Variants in CSMD1 observed in about 807,000 individuals in gnomAD.
CSMD1 encodes CUB and sushi domain-containing protein 1.
A neutral mutation model predicts 417.5 loss-of-function variants in CSMD1; 213 were observed. The ratio of observed to expected loss-of-function variants is 0.51; its 90% CI spans 0.46 to 0.57. The LOEUF (loss-of-function observed/expected upper bound fraction) is 0.57. Among genes scored for constraint, CSMD1 ranks in the 20% least tolerant of loss-of-function variants. The pLI is 0.00. For missense variants in CSMD1, 6,923 were observed against 4,529.7 expected (o/e 1.53, Z -15.17); for synonymous variants, 2,862 against 1,736.8 (o/e 1.65, Z -16.11).
At chr8:4,147,616 G>A (rs981084933) in intron 3 of CSMD1, among the ~76,000 whole-genome samples, 6 of 152,136 alleles carry the variant, frequency 3.9e-5, no homozygotes, top group South Asian at 2.1e-4. Context: ...TAATGCAGCT[G>A]GACATGTGGC....
At chr8:3,764,742 T>C (rs1320958608) in intron 5 of CSMD1, among the ~76,000 whole-genome samples, 1 of 45,128 alleles carries the variant, frequency 2.2e-5, no homozygotes, top group Non-Finnish European at 6.1e-5. Flanking sequence ...TCTCTTTCTT[T>C]TTTTTTTTTT....
chr8:3,773,583 G>C (rs76088918), intron 5 of CSMD1, among the ~76,000 whole-genome samples: 1 of 152,056 alleles, frequency 6.6e-6, no homozygotes, highest in African/African-American at 2.4e-5. Context: ...CACCACACCC[G>C]TCCTATAATA....
intron 3 of CSMD1, among the ~76,000 whole-genome samples, chr8:4,189,375 A>G (rs929386943): frequency 6.6e-6 from 1 of 152,224 alleles, no homozygotes; most frequent in African/African-American, 2.4e-5. Flanking sequence ...TTAATAAGCC[A>G]TGAATATTCT....
chr8:3,507,525 T>G (rs1290155871), intron 10 of CSMD1, among the ~76,000 whole-genome samples: 1 of 152,212 alleles, frequency 6.6e-6, no homozygotes, highest in East Asian at 1.9e-4. Context: ...TACCTAGTAA[T>G]GGGATTGCTG....
chr8:4,594,812 C>G (rs1053132780), intron 2 of CSMD1, among the ~76,000 whole-genome samples: 1 of 152,050 alleles, frequency 6.6e-6, no homozygotes, highest in African/African-American at 2.4e-5. Context: ...CTGATGTTAC[C>G]CCCACCTTAA....
intron 3 of CSMD1, among the ~76,000 whole-genome samples, chr8:4,105,131 C>T: frequency 6.6e-6 from 1 of 152,152 alleles, no homozygotes; most frequent in East Asian, 1.9e-4. Flanking sequence ...ATGTAATACA[C>T]AATCACTAAT....
chr8:4,101,476 A>G (rs1801302262), intron 3 of CSMD1, among the ~76,000 whole-genome samples: 1 of 152,200 alleles, frequency 6.6e-6, no homozygotes, highest in Non-Finnish European at 1.5e-5. Context: ...AAAGGTCTCC[A>G]TGGTGCAGCT....
chr8:4,143,385 T>G (rs78249538), intron 3 of CSMD1, among the ~76,000 whole-genome samples: 1 of 144,194 alleles, frequency 6.9e-6, no homozygotes, highest in African/African-American at 2.5e-5. Flanking sequence ...TTTTTTTTTT[T>G]TTGCTACAGA....
intron 42 of CSMD1, among the ~76,000 whole-genome samples, chr8:3,111,166 A>C (rs745602628): frequency 6.6e-6 from 1 of 152,208 alleles, no homozygotes; most frequent in Non-Finnish European, 1.5e-5. Flanking sequence ...ATTTGCCACA[A>C]ATGGTATAGA....
chr8:4,289,946 CT>C (rs1249345267), intron 3 of CSMD1, among the ~76,000 whole-genome samples: 1 of 152,194 alleles, frequency 6.6e-6, no homozygotes. Flanking sequence ...TTATTGACCT[CT>C]TCTTGAGAGG....
chr8:3,753,376 G>C (rs969174759), intron 6 of CSMD1, among the ~76,000 whole-genome samples: 2 of 152,148 alleles, frequency 1.3e-5, no homozygotes, highest in African/African-American at 4.8e-5. Flanking sequence ...TTAGAAACCA[G>C]AGAGAAAAAG....
intron 2 of CSMD1, among the ~76,000 whole-genome samples, chr8:4,583,863 T>C (rs1281738374): frequency 6.6e-6 from 1 of 152,014 alleles, no homozygotes; most frequent in South Asian, 2.1e-4. Context: ...GAAGCTTTGT[T>C]CTTTCACTCT....
intron 2 of CSMD1, among the ~76,000 whole-genome samples, chr8:4,446,000 C>T (rs554656410): frequency 1.3e-5 from 2 of 152,234 alleles, no homozygotes; most frequent in African/African-American, 2.4e-5. Context: ...TCTTCCCTGG[C>T]AGCACCCTGA....
chr8:4,173,172 A>C (rs908634662), intron 3 of CSMD1, among the ~76,000 whole-genome samples: 1 of 152,184 alleles, frequency 6.6e-6, no homozygotes, highest in African/African-American at 2.4e-5. Context: ...TAGCGCATAA[A>C]AATACAGGAT....
chr8:3,360,014 G>C (rs965936042), intron 20 of CSMD1, among the ~76,000 whole-genome samples: 2 of 152,088 alleles, frequency 1.3e-5, no homozygotes, highest in Non-Finnish European at 2.9e-5. Flanking sequence ...CCCTCCCAAA[G>C]GTGCTTTTTG....
Position 3,579,938 on chromosome 8 carries a change from T to C in CSMD1, c.1223-4872A>G, listed in dbSNP as rs139486089. Among the ~76,000 whole-genome samples the C allele has an allele frequency of 7.6e-3, 1,160 of 152,098 alleles. 19 individuals carry two copies. The highest frequency in any genetic ancestry group is 0.025 in the African/African-American group (1,055 of 41,490). ...GGCCAACATGGTGAAACCCTGTCTC[T>C]ACGAAACATACAAAAATTAGCTGGG... On this transcript the variant is annotated intron_variant, in intron 9 of 69. Coordinates refer to ENST00000635120, the MANE Select transcript of CSMD1 (RefSeq NM_033225.6).
Position 4,916,785 on chromosome 8 carries a change from A to G in CSMD1, c.85+77547T>C, listed in dbSNP as rs1454185929. Among the ~76,000 whole-genome samples, 3 of 152,256 alleles carry G rather than the reference A, an allele frequency of 2.0e-5. No individual in the cohort carries two copies. In the East Asian group the frequency reaches 5.8e-4, roughly 29 times the overall value. On this transcript the variant is annotated intron_variant, in intron 1 of 69. Coordinates refer to ENST00000635120, the MANE Select transcript of CSMD1 (RefSeq NM_033225.6). ...TTTAACAAAGTGACAGCTAGATGCT[A>G]ACGTAGGCTTTACTATATTAAAAGT...
chr8:3,455,184 T>C (rs1422255695), intron 12 of CSMD1, among the ~76,000 whole-genome samples: 4 of 152,216 alleles, frequency 2.6e-5, no homozygotes, highest in Non-Finnish European at 4.4e-5. Context: ...AGGACTTCTC[T>C]GCATTGGTTA....
chr8:4,010,789 C>G (rs980935503), intron 4 of CSMD1, among the ~76,000 whole-genome samples: 2 of 152,204 alleles, frequency 1.3e-5, no homozygotes, highest in Admixed American at 6.5e-5. Context: ...TACCATAACT[C>G]TGCCATCATC....
Sources: gnomAD v4.1 joint callset for allele counts (sites outside exome capture counted in the v4.1 genomes callset) on GRCh38, gnomAD v4.1.1 for gene constraint, MANE v1.5 for transcripts, NCBI Gene and HGNC (gene_info 2026-07-23, HGNC 2026-07-21) for gene names.